AEBP2: variants seen among roughly 807,000 people sequenced by gnomAD.
AEBP2 encodes zinc finger protein AEBP2.
Under a neutral mutation model 50.8 loss-of-function variants are expected in AEBP2, and 10 were observed. The ratio of observed to expected loss-of-function variants is 0.20; its 90% CI spans 0.12 to 0.33. The LOEUF is 0.33. AEBP2 is among the 10% of genes least tolerant of loss of function. The probability of loss-of-function intolerance (pLI) is 1.00; values close to 1 mark genes in which losing one functional copy is unlikely to be tolerated. For missense variants in AEBP2, 570 were observed against 688.0 expected (o/e 0.83, Z 1.92); for synonymous variants, 296 against 261.3 (o/e 1.13, Z -1.28).
intron 1 of AEBP2, among the ~76,000 whole-genome samples, chr12:19,461,440 T>C (rs375321909): frequency 1.1e-3 from 174 of 152,330 alleles, no homozygotes; most frequent in Admixed American, 2.2e-3. Flanking sequence ...TGTAATACTT[T>C]ATTTTATTTT....
At chr12:19,410,305 G>A (rs534512765) in intron 1 of AEBP2, among the ~76,000 whole-genome samples, 32 of 152,248 alleles carry the variant, frequency 2.1e-4, no homozygotes, top group Middle Eastern at 6.8e-3. Context: ...GGGGTTCACC[G>A]AAGAACTTTC....
At position 19,457,244 on chromosome 12, in the gene AEBP2, C is replaced by T. The variant is rs1049063084; in HGVS notation, c.672-5266C>T. ...AAAAGGGCATGCTCCTAGGTTTGTCCATTCTTGGAGATACCAGCTTCAAAT... is the reference window on the plus strand; with the variant it reads ...AAAAGGGCATGCTCCTAGGTTTGTCTATTCTTGGAGATACCAGCTTCAAAT... On this transcript the variant is annotated intron_variant, in intron 1 of 7. Coordinates refer to ENST00000266508, the MANE Select transcript of AEBP2 (RefSeq NM_153207.5). 10 of 1,597,222 alleles carry T rather than the reference C, an allele frequency of 6.3e-6. No individual in the cohort carries two copies. In the African/African-American group the frequency reaches 1.1e-4, roughly 17 times the overall value.
chr12:19,489,990 CTTTTTTTTTT>C (rs71067029), intron 3 of AEBP2, among the ~76,000 whole-genome samples: 62 of 47,704 alleles, frequency 1.3e-3, no homozygotes, highest in African/African-American at 3.0e-3. Context: ...TTAAAATAAA[CTTTTTTTTTT>C]TTTTTTTTTT....
At chr12:19,452,453 C>T (rs1948180506) in intron 1 of AEBP2, among the ~76,000 whole-genome samples, 1 of 151,798 alleles carries the variant, frequency 6.6e-6, no homozygotes, top group East Asian at 1.9e-4. Context: ...GCTTTTTTCC[C>T]CTTAATAGTC....
At chr12:19,464,102 G>A (rs533309236) in intron 2 of AEBP2, among the ~76,000 whole-genome samples, 17 of 152,332 alleles carry the variant, frequency 1.1e-4, no homozygotes, top group South Asian at 6.2e-4. Context: ...TGATGTCTGA[G>A]TAACCAGTAA....
intron 7 of AEBP2, 98 bp downstream of exon 7, chr12:19,514,882 TAA>T: frequency 1.2e-6 from 1 of 855,618 alleles, no homozygotes. Context: ...TGCTGAATTT[TAA>T]TACCAAGCAT....
chr12:19,421,786 T>C (rs530139548), intron 1 of AEBP2, among the ~76,000 whole-genome samples: 1 of 152,286 alleles, frequency 6.6e-6, no homozygotes, highest in African/African-American at 2.4e-5. Context: ...CTATTTAGCA[T>C]GAGGAGGGTG....
intron 2 of AEBP2, among the ~76,000 whole-genome samples, chr12:19,471,370 G>C (rs1777094374): frequency 6.6e-6 from 1 of 151,908 alleles, no homozygotes; most frequent in South Asian, 2.1e-4. Flanking sequence ...TCCTGCCTTG[G>C]CCTTCCAAAG....
chr12:19,443,546 C>A (rs1471955673), intron 1 of AEBP2, among the ~76,000 whole-genome samples: 1 of 151,814 alleles, frequency 6.6e-6, no homozygotes, highest in Non-Finnish European at 1.5e-5. Context: ...CATGGTGAAA[C>A]CCCATCTCTA....
intron 2 of AEBP2, chr12:19,466,792 G>A (rs75543366): frequency 0.022 from 21,994 of 984,222 alleles, 284 homozygotes; most frequent in South Asian, 0.029. Flanking sequence ...GGAAAAAATT[G>A]GTAACCCTAG....
chr12:19,503,253 C>T (rs534437367), intron 5 of AEBP2, among the ~76,000 whole-genome samples: 22 of 151,976 alleles, frequency 1.4e-4, no homozygotes, highest in Non-Finnish European at 2.8e-4. Context: ...TTTGTGTCAT[C>T]TATGATTTCT....
chr12:19,460,430 C>G (rs1948354932), intron 1 of AEBP2, among the ~76,000 whole-genome samples: 1 of 152,166 alleles, frequency 6.6e-6, no homozygotes, highest in African/African-American at 2.4e-5. Flanking sequence ...CAACCTCCTA[C>G]TGCAACCTCC....
chr12:19,510,847 C>G (rs79807396), intron 5 of AEBP2, among the ~76,000 whole-genome samples: 1 of 133,502 alleles, frequency 7.5e-6, no homozygotes, highest in Admixed American at 7.7e-5. Flanking sequence ...TGCAGTACAT[C>G]GCTTTTTAAG....
chr12:19,495,093 G>T (rs1948953936), intron 4 of AEBP2, among the ~76,000 whole-genome samples: 1 of 151,946 alleles, frequency 6.6e-6, no homozygotes, highest in South Asian at 2.1e-4. Flanking sequence ...TTTAGTAGAG[G>T]TGGGGTTTCG....
chr12:19,473,370 A>G lies in AEBP2; in HGVS notation c.987+15A>G, dbSNP rs1948598922. 4.2e-6 allele frequency: 4 copies of G among 953,364 alleles called. No individual in the cohort carries two copies. Among genetic ancestry groups the G allele is most frequent in the Admixed American group, 4.0e-5 (1 of 24,810 alleles). 59.1% of individuals were successfully genotyped at this position (953,364 alleles called of 1,614,324 possible). A position where few individuals can be genotyped will look rare whatever the true frequency, so the allele number is the denominator to read the frequency against. ...AACCTTTCAAGGTAAGGATGCATGT[A>G]TATAAAATTTATTTATTTATTTATT... is the stretch of plus-strand genomic sequence containing the variant. On this transcript the variant is annotated intron_variant, in intron 3 of 7. Transcript: ENST00000266508.
chr12:19,416,933 G>A (rs534437838), intron 1 of AEBP2, among the ~76,000 whole-genome samples: 75 of 149,430 alleles, frequency 5.0e-4, no homozygotes, highest in African/African-American at 1.6e-3. Flanking sequence ...GTGCAGTGGC[G>A]TGATCTTGGC....
Position 19,459,917 on chromosome 12 carries a change from C to T in AEBP2, c.672-2593C>T, listed in dbSNP as rs1038489119. 5.9e-5 allele frequency among the ~76,000 whole-genome samples: 9 copies of T among 152,148 alleles called. No homozygotes were observed. The South Asian group carries it at 1.2e-3, about 21-fold the overall frequency. On this transcript the variant is annotated intron_variant, in intron 1 of 7. Coordinates refer to ENST00000266508, the MANE Select transcript of AEBP2 (RefSeq NM_153207.5). The stretch of plus-strand genomic sequence containing the variant: ...CATGGGCAGCAAAACAAGACTCTGC[C>T]GCTACAAAAAAATAGAAAAATTAGC...
At chr12:19,505,769 G>C (rs1195690009) in intron 5 of AEBP2, among the ~76,000 whole-genome samples, 1 of 151,982 alleles carries the variant, frequency 6.6e-6, no homozygotes, top group Non-Finnish European at 1.5e-5. Flanking sequence ...GATTTTGTTT[G>C]TTTGTTTGTT....
intron 3 of AEBP2, among the ~76,000 whole-genome samples, chr12:19,483,070 G>T (rs374212045): frequency 2.4e-4 from 36 of 152,142 alleles, no homozygotes; most frequent in African/African-American, 8.2e-4. Flanking sequence ...CTGTTCCCTC[G>T]CCACCTCCCT....
Sources: gnomAD v4.1 joint callset for allele counts (sites outside exome capture counted in the v4.1 genomes callset) on GRCh38, gnomAD v4.1.1 for gene constraint, MANE v1.5 for transcripts, NCBI Gene and HGNC (gene_info 2026-07-23, HGNC 2026-07-21) for gene names.